The following NDUFAF6 variants were observed in gnomAD, a reference collection of about 807,000 sequenced individuals.
NDUFAF6 encodes NADH:ubiquinone oxidoreductase complex assembly factor 6.
NDUFAF6 carries 45 observed loss-of-function variants against 40.8 expected under a neutral mutation model. The ratio of observed to expected loss-of-function variants is 1.10; its 90% CI spans 0.87 to 1.42. The LOEUF is 1.42. Ranked by LOEUF, NDUFAF6 falls within the 40% of genes most tolerant of loss-of-function variation. The probability of loss-of-function intolerance (pLI) is 0.00; values close to 1 mark genes in which losing one functional copy is unlikely to be tolerated. For missense variants in NDUFAF6, 435 were observed against 418.5 expected, an observed-to-expected ratio of 1.04 and a Z score of -0.34; for synonymous variants, 185 against 155.9, an observed-to-expected ratio of 1.19 and a Z score of -1.39.
At chr8:94,907,344 CT>C (rs2131202836) in intron 1 of NDUFAF6, among the ~76,000 whole-genome samples, 1 of 152,278 alleles carries the variant, frequency 6.6e-6, no homozygotes, top group South Asian at 2.1e-4. Flanking sequence ...GGATACACTG[CT>C]GAATGCATAT....
chr8:94,969,949 G>T (rs537864816), intron 1 of NDUFAF6, among the ~76,000 whole-genome samples: 5 of 152,184 alleles, frequency 3.3e-5, no homozygotes, highest in Non-Finnish European at 7.4e-5. Flanking sequence ...AGCAAGAAAA[G>T]AAATACAGAT....
chr8:95,022,435 TAGACAC>T (rs897599632), upstream of NDUFAF6, among the ~76,000 whole-genome samples: 29 of 151,576 alleles, frequency 1.9e-4, no homozygotes, highest in Non-Finnish European at 4.4e-5. Flanking sequence ...TGGAACACTA[TAGACAC>T]AAAGTATATG....
chr8:95,057,073 C>G (rs566321990), intron 8 of NDUFAF6, among the ~76,000 whole-genome samples: 2 of 152,054 alleles, frequency 1.3e-5, no homozygotes, highest in Non-Finnish European at 2.9e-5. Context: ...GGTTCTGTGC[C>G]GCAGAACTCT....
intron 2 of NDUFAF6, among the ~76,000 whole-genome samples, chr8:95,035,223 A>G (rs974438054): frequency 6.7e-6 from 1 of 150,280 alleles, no homozygotes; most frequent in Non-Finnish European, 1.5e-5. Context: ...CAATCTAATA[A>G]TCTTCTTTTT....
At chr8:94,996,031 GC>G (rs1467836521) in intron 2 of NDUFAF6, among the ~76,000 whole-genome samples, 1 of 152,148 alleles carries the variant, frequency 6.6e-6, no homozygotes, top group Non-Finnish European at 1.5e-5. Context: ...ATCCACCTCG[GC>G]CTCCCAAAGT....
At chr8:95,082,861 C>T (rs1020646371) in intron 2 of NDUFAF6, among the ~76,000 whole-genome samples, 2 of 152,076 alleles carry the variant, frequency 1.3e-5, no homozygotes, top group Non-Finnish European at 2.9e-5. Context: ...GGGGTTTCAC[C>T]GTTTTAGCCG....
At chr8:94,898,034 G>A (rs183230518) in intron 1 of NDUFAF6, among the ~76,000 whole-genome samples, 12 of 152,200 alleles carry the variant, frequency 7.9e-5, no homozygotes, top group African/African-American at 2.9e-4. Flanking sequence ...AACATTAATA[G>A]ACTTTATTTT....
intron 9 of NDUFAF6, among the ~76,000 whole-genome samples, chr8:95,069,552 G>A (rs926294243): frequency 4.0e-5 from 6 of 151,374 alleles, no homozygotes; most frequent in Admixed American, 3.3e-4. Flanking sequence ...GGCCAAGGTG[G>A]GAGGATTACC....
downstream of NDUFAF6, among the ~76,000 whole-genome samples, chr8:95,104,811 C>T (rs59829941): frequency 0.031 from 4,749 of 152,172 alleles, 217 homozygotes; most frequent in African/African-American, 0.1. Context: ...ACCTGACCCT[C>T]GAGCAGCACT....
At chr8:94,986,603 C>T (rs1325055848) in intron 2 of NDUFAF6, among the ~76,000 whole-genome samples, 1 of 152,100 alleles carries the variant, frequency 6.6e-6, no homozygotes, top group Non-Finnish European at 1.5e-5. Context: ...TTCTTGAAGC[C>T]ACTAAGTCTA....
downstream of NDUFAF6, among the ~76,000 whole-genome samples, chr8:95,103,743 G>A (rs1809728986): frequency 6.6e-6 from 1 of 152,148 alleles, no homozygotes; most frequent in Non-Finnish European, 1.5e-5. Flanking sequence ...GGGCATGCAT[G>A]GTTCTTTTGT....
chr8:95,049,409 C>T (rs1831184098), intron 7 of NDUFAF6, among the ~76,000 whole-genome samples: 4 of 152,088 alleles, frequency 2.6e-5, no homozygotes, highest in African/African-American at 9.7e-5. Context: ...GACTATACAC[C>T]TCTTTCTTGA....
chr8:94,960,118 CCT>C (rs1823443656), intron 1 of NDUFAF6, among the ~76,000 whole-genome samples: 1 of 152,222 alleles, frequency 6.6e-6, no homozygotes, highest in South Asian at 2.1e-4. Flanking sequence ...TACTGCATAG[CCT>C]CTGTGTCACC....
chr8:94,987,168 A>C (rs867932981), intron 2 of NDUFAF6, among the ~76,000 whole-genome samples: 7 of 152,290 alleles, frequency 4.6e-5, no homozygotes, highest in Middle Eastern at 6.8e-3. Context: ...GGGTTTTCTA[A>C]ATTTAGAATA....
intron 4 of NDUFAF6, among the ~76,000 whole-genome samples, chr8:95,115,058 T>TAA (rs56365274): frequency 1.3e-5 from 2 of 148,860 alleles, no homozygotes; most frequent in Non-Finnish European, 1.5e-5. Context: ...CGAGACTGTT[T>TAA]AAAAAAAAAA....
intron 1 of NDUFAF6, among the ~76,000 whole-genome samples, chr8:94,913,122 A>G (rs1250684508): frequency 6.6e-6 from 1 of 152,236 alleles, no homozygotes; most frequent in East Asian, 1.9e-4. Flanking sequence ...ATGCCTGTGC[A>G]TACACAAAGG....
intron 1 of NDUFAF6, among the ~76,000 whole-genome samples, chr8:94,907,939 A>G (rs756870816): frequency 2.6e-5 from 4 of 152,220 alleles, no homozygotes; most frequent in Non-Finnish European, 4.4e-5. Flanking sequence ...CTGAATCTCC[A>G]GTACCTAAAA....
upstream of NDUFAF6, among the ~76,000 whole-genome samples, chr8:95,024,352 A>G (rs1827838574): frequency 6.6e-6 from 1 of 152,262 alleles, no homozygotes; most frequent in South Asian, 2.1e-4. Context: ...TATGGAACCC[A>G]GAGGATACTG....
At chr8:94,907,916 G>T (rs1052318662) in intron 1 of NDUFAF6, among the ~76,000 whole-genome samples, 1 of 152,174 alleles carries the variant, frequency 6.6e-6, no homozygotes, top group Non-Finnish European at 1.5e-5. Flanking sequence ...GACTTGGTCT[G>T]CTTTGTTCAT....
Sources: gnomAD v4.1 joint callset for allele counts (sites outside exome capture counted in the v4.1 genomes callset) on GRCh38, gnomAD v4.1.1 for gene constraint, MANE v1.5 for transcripts, NCBI Gene and HGNC (gene_info 2026-07-23, HGNC 2026-07-21) for gene names.